The following CACNG2 variants were observed in gnomAD, a reference collection of about 807,000 sequenced individuals.
CACNG2 encodes voltage-dependent calcium channel gamma-2 subunit.
A neutral mutation model predicts 25.9 loss-of-function variants in CACNG2; 3 were observed. The ratio of observed to expected loss-of-function variants is 0.12; its 90% confidence interval spans 0.05 to 0.30. CACNG2 has a LOEUF of 0.30. Among genes scored for constraint, CACNG2 ranks in the 10% least tolerant of loss-of-function variants. CACNG2 has a pLI of 1.00. For synonymous variants in CACNG2, 167 were observed against 173.3 expected (o/e 0.96, Z 0.29); for missense variants, 341 against 432.5 (o/e 0.79, Z 1.88).
chr22:36,680,960 T>C (rs1937114243), intron 1 of CACNG2, among the ~76,000 whole-genome samples: 1 of 151,986 alleles, frequency 6.6e-6, no homozygotes, highest in Admixed American at 6.6e-5. Context: ...TCAGATTCTT[T>C]TCTTTTCCTG....
intron 1 of CACNG2, among the ~76,000 whole-genome samples, chr22:36,633,159 T>C (rs1263634042): frequency 1.3e-5 from 2 of 152,206 alleles, no homozygotes; most frequent in African/African-American, 4.8e-5. Context: ...GCATCCTTCT[T>C]ACTTTATGTG....
chr22:36,564,243 T>G lies in CACNG2; in HGVS notation c.*108A>C, dbSNP rs1435965364. On this transcript the variant is annotated 3_prime_UTR_variant, in exon 4 of 4. Coordinates refer to ENST00000300105, the MANE Select transcript of CACNG2 (RefSeq NM_006078.5). This position sits in a 1 kb window ranked among gnomAD's most constrained non-coding sequence, Gnocchi z 6.7. ...GTTTTTTTGTTTTTTTTGTTTTTTG[T>G]TTTTGCTTTTGGAAGGTCTCCCAGC... is the stretch of plus-strand genomic sequence containing the variant. The G allele has an allele frequency of 5.3e-6, 5 of 952,216 alleles. No homozygotes were observed. The highest frequency in any genetic ancestry group is 1.7e-5 in the African/African-American group (1 of 59,834). 59.0% of individuals were successfully genotyped at this position (952,216 alleles called of 1,614,324 possible).
intron 1 of CACNG2, among the ~76,000 whole-genome samples, chr22:36,696,261 C>T (rs1301687830): frequency 6.6e-6 from 1 of 152,004 alleles, no homozygotes; most frequent in African/African-American, 2.4e-5. Flanking sequence ...CTTTTTGTTT[C>T]CATTATCTTT....
At chr22:36,631,607 C>A (rs1179111459) in intron 1 of CACNG2, among the ~76,000 whole-genome samples, 3 of 152,214 alleles carry the variant, frequency 2.0e-5, no homozygotes, top group Non-Finnish European at 4.4e-5. Flanking sequence ...TATCTAAAAG[C>A]ATCCAGAGTG....
chr22:36,702,403 C>A lies in CACNG2; in HGVS notation c.174G>T (p.Met58Ile). Residue 58 changes from methionine to isoleucine, a missense_variant, in exon 1 of 4, where the codon ATG becomes ATT. Physicochemically the swap from Met to Ile is conservative, Grantham distance 10. This residue lies in a region of CACNG2 where 169 missense variants were observed against 254.4 expected (regional missense o/e 0.66). Transcript: ENST00000300105. ...AGGTTCTCCATAATCCGGAATGGGT[C>A]ATAACTTCCTCGTTCTTTTTGCTGG... ...NETSKKNEEV[M>I]THSGLWRTCC... 1 of 1,614,080 alleles carries A rather than the reference C, an allele frequency of 6.2e-7. No homozygotes were observed. Among genetic ancestry groups the A allele is most frequent in the South Asian group, 1.1e-5 (1 of 91,062 alleles).
intron 1 of CACNG2, among the ~76,000 whole-genome samples, chr22:36,626,055 G>A (rs1038436902): frequency 1.3e-5 from 2 of 152,132 alleles, no homozygotes; most frequent in Non-Finnish European, 2.9e-5. Context: ...GAGTAGATGG[G>A]AATACAGGTG....
chr22:36,688,864 T>G (rs1569053379), intron 1 of CACNG2, among the ~76,000 whole-genome samples: 1 of 152,184 alleles, frequency 6.6e-6, no homozygotes, highest in Non-Finnish European at 1.5e-5. Context: ...TCAGTATCCA[T>G]CTCAGCAATA....
chr22:36,576,075 G>A (rs1935307328), intron 2 of CACNG2, among the ~76,000 whole-genome samples: 2 of 152,214 alleles, frequency 1.3e-5, no homozygotes, highest in African/African-American at 4.8e-5. Flanking sequence ...AAAAATGCCT[G>A]TGTGATGCAT....
intron 1 of CACNG2, among the ~76,000 whole-genome samples, chr22:36,697,004 T>C (rs1426630720): frequency 2.0e-5 from 3 of 152,190 alleles, no homozygotes; most frequent in African/African-American, 7.2e-5. Context: ...AAAACTTCTG[T>C]GAGTTACGTA....
At chr22:36,695,618 G>T (rs769080405) in intron 1 of CACNG2, among the ~76,000 whole-genome samples, 1 of 151,704 alleles carries the variant, frequency 6.6e-6, no homozygotes, top group African/African-American at 2.4e-5. Flanking sequence ...TCTTCACCTG[G>T]ATTAACTCCT....
At chr22:36,689,028 G>T (rs147642289) in intron 1 of CACNG2, among the ~76,000 whole-genome samples, 2 of 152,156 alleles carry the variant, frequency 1.3e-5, no homozygotes, top group East Asian at 3.9e-4. Flanking sequence ...TCTACTGTTG[G>T]CGAACTCTTA....
chr22:36,570,859 G>A (rs1475185308), intron 2 of CACNG2, among the ~76,000 whole-genome samples: 3 of 151,924 alleles, frequency 2.0e-5, no homozygotes, highest in Non-Finnish European at 4.4e-5. Context: ...CAGGTGGGAA[G>A]GAAGCTGGTT....
At chr22:36,677,362 C>A (rs965984077) in intron 1 of CACNG2, among the ~76,000 whole-genome samples, 1 of 152,140 alleles carries the variant, frequency 6.6e-6, no homozygotes, top group Non-Finnish European at 1.5e-5. Flanking sequence ...GGTGTGTGTC[C>A]ATCTCTATTC....
At chr22:36,677,407 G>A (rs551281836) in intron 1 of CACNG2, among the ~76,000 whole-genome samples, 17 of 152,306 alleles carry the variant, frequency 1.1e-4, no homozygotes, top group South Asian at 4.2e-4. Flanking sequence ...TCGGGTCCAC[G>A]GGAAAGGATG....
intron 1 of CACNG2, among the ~76,000 whole-genome samples, chr22:36,698,773 G>A (rs772168868): frequency 1.3e-5 from 2 of 152,162 alleles, no homozygotes; most frequent in Admixed American, 1.3e-4. Flanking sequence ...ACGGACAGAG[G>A]GGGAGAGAAA....
intron 2 of CACNG2, among the ~76,000 whole-genome samples, chr22:36,581,015 G>A (rs1312119095): frequency 3.3e-5 from 5 of 152,138 alleles, no homozygotes; most frequent in African/African-American, 1.2e-4. Context: ...ACAGATGCAT[G>A]GATGCACGCT....
chr22:36,646,724 C>T (rs1002451868), intron 1 of CACNG2, among the ~76,000 whole-genome samples: 5 of 151,624 alleles, frequency 3.3e-5, no homozygotes, highest in South Asian at 2.1e-4. Flanking sequence ...CATCAGCTTT[C>T]CCCCAACCCT....
chr22:36,666,173 T>A (rs1050325704), intron 1 of CACNG2, among the ~76,000 whole-genome samples: 3 of 152,104 alleles, frequency 2.0e-5, no homozygotes, highest in Non-Finnish European at 2.9e-5. Flanking sequence ...TGGAGGCTGA[T>A]GTGGGAGGCT....
At chr22:36,684,821 C>T (rs1937174817) in intron 1 of CACNG2, among the ~76,000 whole-genome samples, 1 of 152,084 alleles carries the variant, frequency 6.6e-6, no homozygotes, top group African/African-American at 2.4e-5. Flanking sequence ...AACAGTGGTT[C>T]AGAGAGATGA....
Sources: allele counts gnomAD v4.1 joint callset (sites outside exome capture counted in the v4.1 genomes callset), GRCh38; gene constraint gnomAD v4.1.1; regional missense constraint gnomAD v4.1.1; non-coding constraint Gnocchi (gnomAD v3.1); transcripts MANE v1.5; gene names NCBI Gene and HGNC (gene_info 2026-07-23, HGNC 2026-07-21).